KCNJ16: variants seen among roughly 807,000 people sequenced by gnomAD.
KCNJ16 encodes potassium inwardly rectifying channel subfamily J member 16.
In KCNJ16, 15 loss-of-function variants were observed where a neutral mutation model predicts 18.5. The ratio of observed to expected loss-of-function variants is 0.81; its 90% CI spans 0.54 to 1.25. The LOEUF (loss-of-function observed/expected upper bound fraction) is 1.25, where lower values mean the gene tolerates loss of function less well. Among genes scored for constraint, KCNJ16 ranks in the 50% most tolerant of loss-of-function variants. The pLI, the probability that KCNJ16 is intolerant of heterozygous loss-of-function variation, is 0.00. For missense variants in KCNJ16, 523 were observed against 525.7 expected, an observed-to-expected ratio of 0.99 and a Z score of 0.05; for synonymous variants, 174 against 186.5, an observed-to-expected ratio of 0.93 and a Z score of 0.55.
intron 2 of KCNJ16, chr17:70,128,662 C>T (rs914037915): frequency 6.6e-6 from 1 of 152,148 alleles, no homozygotes; most frequent in African/African-American, 2.4e-5. Context: ...CGTTTTCCTT[C>T]GAACTTCATA....
chr17:70,114,060 T>C (rs1412911723), intron 2 of KCNJ16, among the ~76,000 whole-genome samples: 1 of 152,120 alleles, frequency 6.6e-6, no homozygotes, highest in Non-Finnish European at 1.5e-5. Context: ...TTTTGTCTTA[T>C]ATTTTAAGGC....
At chr17:70,118,925 A>T (rs537344814) in intron 2 of KCNJ16, among the ~76,000 whole-genome samples, 2 of 152,300 alleles carry the variant, frequency 1.3e-5, no homozygotes, top group South Asian at 2.1e-4. Flanking sequence ...AAAAGTCTGA[A>T]GTCTTATCTG....
At chr17:70,111,132 T>C (rs970701220) in intron 2 of KCNJ16, among the ~76,000 whole-genome samples, 3 of 152,272 alleles carry the variant, frequency 2.0e-5, no homozygotes, top group East Asian at 3.9e-4. Context: ...ACAAAAGATA[T>C]ACACATCTGA....
chr17:70,111,427 T>C (rs750116814), intron 2 of KCNJ16, among the ~76,000 whole-genome samples: 9 of 152,098 alleles, frequency 5.9e-5, no homozygotes, highest in African/African-American at 1.7e-4. Context: ...ATTAGCATCA[T>C]AGATTGTCTG....
At chr17:70,091,228 C>A (rs2072075805) in intron 1 of KCNJ16, among the ~76,000 whole-genome samples, 1 of 152,154 alleles carries the variant, frequency 6.6e-6, no homozygotes, top group Non-Finnish European at 1.5e-5. Flanking sequence ...CTCATTTGAC[C>A]ATCATCTGTC....
In KCNJ16 at chr17:70,132,543, C is replaced by A. The variant is rs1268723411; in HGVS notation, c.456C>A (p.Leu152=). Residue 152 remains leucine, a synonymous_variant, in exon 4 of 4, where the codon CTC becomes CTA. Coordinates refer to ENST00000392671, the MANE Select transcript of KCNJ16 (RefSeq NM_170741.4). Reference sequence around the variant, plus strand: ...CTGTGGCCGTGCTCATGGTGATCCTCCAGTCCATCTTAAGTTGCATCATAA... The same window carrying A: ...CTGTGGCCGTGCTCATGGTGATCCTACAGTCCATCTTAAGTTGCATCATAA... The part of the protein sequence containing the change: ...ECSVAVLMVI[L]QSILSCIINT... 3 of 1,614,190 alleles carry A rather than the reference C, an allele frequency of 1.9e-6. No homozygotes were observed. The highest frequency in any genetic ancestry group is 2.5e-6 in the Non-Finnish European group (3 of 1,180,034).
chr17:70,096,350 C>T (rs2072372225), intron 1 of KCNJ16, among the ~76,000 whole-genome samples: 2 of 152,006 alleles, frequency 1.3e-5, no homozygotes. Context: ...TCCATTTTGC[C>T]CTTATTCACT....
chr17:70,088,932 CAATTTAAAATTG>C (rs1453645239), intron 1 of KCNJ16, among the ~76,000 whole-genome samples: 2 of 152,038 alleles, frequency 1.3e-5, no homozygotes, highest in Admixed American at 6.6e-5. Flanking sequence ...AAAGTCAATT[CAATTTAAAATTG>C]AATTTAAAAT....
chr17:70,131,106 C>T lies in KCNJ16; in HGVS notation c.-94+131C>T, dbSNP rs898328357. Reference sequence around the variant, plus strand: ...GCCGGAGAGAAGGGTTCAATTGTAGCGTGCTCCCTTTAAGAGGGAAACGAG... The same window carrying T: ...GCCGGAGAGAAGGGTTCAATTGTAGTGTGCTCCCTTTAAGAGGGAAACGAG... On this transcript the variant is annotated intron_variant, in intron 3 of 3. Coordinates refer to ENST00000392671, the MANE Select transcript of KCNJ16 (RefSeq NM_170741.4). 2.9e-5 allele frequency: 30 copies of T among 1,026,258 alleles called. 1 individual carries two copies. The highest frequency in any genetic ancestry group is 1.9e-4 in the East Asian group (7 of 37,264). The allele number at this position is 1,026,258 out of a possible 1,614,324, so 63.6% of individuals were successfully genotyped here.
At chr17:70,079,048 G>A (rs918319148) in intron 1 of KCNJ16, among the ~76,000 whole-genome samples, 2 of 152,108 alleles carry the variant, frequency 1.3e-5, no homozygotes, top group Non-Finnish European at 2.9e-5. Flanking sequence ...GATCTCTAGA[G>A]AAGCAGAAGA....
chr17:70,096,284 T>TA (rs1243087172), intron 1 of KCNJ16, among the ~76,000 whole-genome samples: 1 of 152,148 alleles, frequency 6.6e-6, no homozygotes, highest in East Asian at 1.9e-4. Context: ...TGGAACTACT[T>TA]AGAGGTCATA....
intron 2 of KCNJ16, among the ~76,000 whole-genome samples, chr17:70,125,750 G>A (rs756630776): frequency 6.6e-5 from 10 of 152,144 alleles, no homozygotes; most frequent in Non-Finnish European, 1.3e-4. Flanking sequence ...CCAACATGGT[G>A]AAACCCCATC....
At chr17:70,130,485 G>A (rs1440752493) in intron 2 of KCNJ16, among the ~76,000 whole-genome samples, 1 of 152,164 alleles carries the variant, frequency 6.6e-6, no homozygotes, top group Non-Finnish European at 1.5e-5. Flanking sequence ...CATGCCTTAC[G>A]GGAGTTTGTG....
At chr17:70,120,967 GA>G (rs1341098059) in intron 2 of KCNJ16, among the ~76,000 whole-genome samples, 8 of 152,158 alleles carry the variant, frequency 5.3e-5, no homozygotes, top group Admixed American at 5.2e-4. Context: ...CTTTATAAGG[GA>G]GAAGAGAGTG....
At chr17:70,088,959 TTTTA>T (rs1303965748) in intron 1 of KCNJ16, among the ~76,000 whole-genome samples, 5 of 152,216 alleles carry the variant, frequency 3.3e-5, no homozygotes, top group African/African-American at 4.8e-5. Context: ...TAAAATTGAC[TTTTA>T]AAAAGTCAAA....
In KCNJ16 at chr17:70,103,286, A is replaced by ATGTG. The variant is rs1555589099; in HGVS notation, c.-191+2528_-191+2531dup. On this transcript the variant is annotated intron_variant, in intron 2 of 3. Coordinates refer to ENST00000392671, the MANE Select transcript of KCNJ16 (RefSeq NM_170741.4). Reference sequence around the variant, plus strand: ...GTATATGTGTATATAATATGCATATATGTGTGTGTGTATATATATATATAT... The same window carrying ATGTG: ...GTATATGTGTATATAATATGCATATATGTGTGTGTGTGTGTATATATATATATAT... Among the ~76,000 whole-genome samples the ATGTG allele has an allele frequency of 4.1e-3, 422 of 103,790 alleles. 4 individuals carry two copies. Among genetic ancestry groups the ATGTG allele is most frequent in the African/African-American group, 0.015 (385 of 25,446 alleles). The allele number at this position is 103,790 out of a possible 152,430, so 68.1% of individuals were successfully genotyped here.
intron 1 of KCNJ16, 84 bp downstream of exon 1, chr17:70,075,474 ACT>A (rs1463242294): frequency 3.3e-5 from 5 of 152,250 alleles, no homozygotes; most frequent in Admixed American, 2.0e-4. Flanking sequence ...GAGCAGCAAC[ACT>A]CTGTTTCCAG....
At chr17:70,108,407 G>A (rs2073029034) in intron 2 of KCNJ16, 1 of 152,192 alleles carries the variant, frequency 6.6e-6, no homozygotes. Flanking sequence ...CTGACATGAG[G>A]GGTAATGAGG....
intron 1 of KCNJ16, among the ~76,000 whole-genome samples, chr17:70,076,290 T>G (rs1035052848): frequency 2.0e-5 from 3 of 152,162 alleles, no homozygotes; most frequent in Non-Finnish European, 4.4e-5. Flanking sequence ...TTTGTTACTT[T>G]AGTATGGGAA....
Sources: gnomAD v4.1 joint callset for allele counts (sites outside exome capture counted in the v4.1 genomes callset) on GRCh38, gnomAD v4.1.1 for gene constraint, MANE v1.5 for transcripts, NCBI Gene and HGNC (gene_info 2026-07-23, HGNC 2026-07-21) for gene names.